CLASP2: variants seen among roughly 807,000 people sequenced by gnomAD.
The protein encoded by CLASP2 is CLIP-associating protein 2.
In CLASP2, 47 loss-of-function variants were observed where a neutral mutation model predicts 194.4. That is an observed-to-expected ratio of 0.24 (90% confidence interval 0.19 to 0.31). The LOEUF (loss-of-function observed/expected upper bound fraction) is 0.31, where lower values mean the gene tolerates loss of function less well. CLASP2 is among the 10% of genes least tolerant of loss of function. CLASP2 has a pLI of 1.00. For synonymous variants in CLASP2, 619 were observed against 633.5 expected (o/e 0.98, Z 0.34); for missense variants, 1,445 against 1,823.6 (o/e 0.79, Z 3.78).
intron 36 of CLASP2, among the ~76,000 whole-genome samples, chr3:33,513,365 C>T (rs1201503497): frequency 1.3e-5 from 2 of 151,962 alleles, no homozygotes; most frequent in African/African-American, 4.8e-5. Flanking sequence ...ACAGCGAAAC[C>T]CCGTTTCCAC....
In CLASP2 at chr3:33,538,927, G is replaced by A; in HGVS notation, c.3420C>T (p.Asp1140=). 6.4e-7 allele frequency: 1 copy of A among 1,572,638 alleles called. No individual in the cohort carries two copies. The highest frequency in any genetic ancestry group is 8.6e-7 in the Non-Finnish European group (1 of 1,163,252). ...TATCTTCAGAGTTCATATTTTCTGT[G>A]TCATAATCAAATGCACTATGAAAAA... ...NTLSPSAFDY[D]TENMNSEDIY... is the part of the protein sequence containing the mutation. The change falls in exon 33 of 39, where the codon GAC becomes GAT. Residue 1140 remains aspartate, a synonymous_variant. Coordinates refer to ENST00000682230, the MANE Select transcript of CLASP2 (RefSeq NM_001365631.1).
chr3:33,689,834 G>A lies in CLASP2; in HGVS notation c.373C>T (p.Pro125Ser). The A allele has an allele frequency of 1.9e-6, 3 of 1,571,864 alleles. No homozygotes were observed. The highest frequency in any genetic ancestry group is 1.7e-6 in the Non-Finnish European group (2 of 1,161,770). The change falls in exon 3 of 39, where the codon CCT becomes TCT. Residue 125 changes from proline (P) to serine (S), a missense_variant. Coordinates refer to ENST00000682230, the MANE Select transcript of CLASP2 (RefSeq NM_001365631.1). Reference sequence around the variant, plus strand: ...ATTTTAAAATGTAGGCTTACCATAGGTGGTGCTACTTGATCCATTAACTTC... The same window carrying A: ...ATTTTAAAATGTAGGCTTACCATAGATGGTGCTACTTGATCCATTAACTTC... ...ILKLMDQVAP[P>S]MYIWEQLASG...
intron 33 of CLASP2, among the ~76,000 whole-genome samples, chr3:33,537,344 C>T (rs1423802180): frequency 1.3e-5 from 2 of 152,126 alleles, no homozygotes; most frequent in Non-Finnish European, 2.9e-5. Context: ...TCTTGCTCTG[C>T]CAGATAGGCA....
At chr3:33,703,664 T>C (rs1489264720) in intron 1 of CLASP2, among the ~76,000 whole-genome samples, 1 of 152,234 alleles carries the variant, frequency 6.6e-6, no homozygotes, top group Non-Finnish European at 1.5e-5. Context: ...GTTTTTGTTT[T>C]TTGCAGAGGC....
chr3:33,523,395 C>T (rs575392585), intron 34 of CLASP2, among the ~76,000 whole-genome samples: 1 of 152,094 alleles, frequency 6.6e-6, no homozygotes, highest in Non-Finnish European at 1.5e-5. Context: ...AAGGCAAAGA[C>T]AGAATCTTGC....
At chr3:33,502,281 A>T (rs1024863104) in intron 37 of CLASP2, 1 of 152,348 alleles carries the variant, frequency 6.6e-6, no homozygotes, top group African/African-American at 2.4e-5. Context: ...TAATAACCTA[A>T]TTTTATTTAA....
intron 38 of CLASP2, among the ~76,000 whole-genome samples, chr3:33,499,996 T>C (rs1304665949): frequency 2.6e-5 from 4 of 152,124 alleles, no homozygotes; most frequent in African/African-American, 7.2e-5. Context: ...AGATCATGAC[T>C]TTATGAAGTT....
intron 34 of CLASP2, among the ~76,000 whole-genome samples, chr3:33,524,542 T>C (rs1376619686): frequency 6.6e-6 from 1 of 151,814 alleles, no homozygotes; most frequent in Non-Finnish European, 1.5e-5. Flanking sequence ...TCCCAGCTAC[T>C]AGGGAGGCTG....
chr3:33,559,924 TA>T (rs1400476893), intron 28 of CLASP2, among the ~76,000 whole-genome samples: 1 of 152,004 alleles, frequency 6.6e-6, no homozygotes, highest in Non-Finnish European at 1.5e-5. Context: ...CTATAGGAAA[TA>T]ATAGTCTATC....
At chr3:33,581,745 C>T in intron 23 of CLASP2, 76 bp downstream of exon 23, 5 of 954,426 alleles carry the variant, frequency 5.2e-6, no homozygotes, top group Non-Finnish European at 3.3e-6. Context: ...AAGCTAAATC[C>T]CAGGTATGCT....
chr3:33,507,310 C>T (rs2335247), intron 37 of CLASP2, among the ~76,000 whole-genome samples: 49,687 of 151,936 alleles, frequency 0.33, 8,749 homozygotes, highest in Admixed American at 0.48. Flanking sequence ...CATTTCTTTA[C>T]TAAAGAAATT....
intron 38 of CLASP2, among the ~76,000 whole-genome samples, chr3:33,500,557 A>AT (rs2046612618): frequency 2.0e-5 from 3 of 151,460 alleles, no homozygotes; most frequent in Admixed American, 6.6e-5. Context: ...TCCATTGTGC[A>AT]TTTTTCTATT....
intron 3 of CLASP2, 135 bp from the exon 4 acceptor site, chr3:33,688,503 C>G (rs940289247): frequency 1.5e-6 from 1 of 680,188 alleles, no homozygotes; most frequent in African/African-American, 1.9e-5. Flanking sequence ...CATTTCTCCA[C>G]TACTTACAAG....
chr3:33,698,784 A>T (rs2154352038), intron 1 of CLASP2, among the ~76,000 whole-genome samples: 1 of 152,338 alleles, frequency 6.6e-6, no homozygotes, highest in Middle Eastern at 3.4e-3. Flanking sequence ...AGTACTATTT[A>T]ACTTGCTCTT....
In CLASP2 at chr3:33,510,595, T is replaced by C; in HGVS notation, c.4280A>G (p.Asn1427Ser). 1 of 1,613,906 alleles carries C rather than the reference T, an allele frequency of 6.2e-7. No individual in the cohort carries two copies. The highest frequency in any genetic ancestry group is 8.5e-7 in the Non-Finnish European group (1 of 1,179,874). The change falls in exon 37 of 39, where the codon AAC (asparagine) becomes AGC (serine). Residue 1427 changes from asparagine (N) to serine (S), a missense_variant. Around this residue, in one of 4 missense-constraint regions of CLASP2, gnomAD observed 732 missense variants for 987.9 expected, o/e 0.74. Coordinates refer to ENST00000682230, the MANE Select transcript of CLASP2 (RefSeq NM_001365631.1). ...TGGCATAATCTCTGGCAAAAGCAGGTTTAGGGTTTCCTTGGACACTCTCTC... is the reference window on the plus strand; with the variant it reads ...TGGCATAATCTCTGGCAAAAGCAGGCTTAGGGTTTCCTTGGACACTCTCTC... Reference protein sequence around the residue: ...VIERVSKETLNLLLPEIMPGL... With the variant: ...VIERVSKETLSLLLPEIMPGL...
At chr3:33,545,063 A>G (rs552930409) in intron 30 of CLASP2, 2 of 359,666 alleles carry the variant, frequency 5.6e-6, no homozygotes, top group Admixed American at 9.0e-5. Flanking sequence ...TGAAAAGCAT[A>G]ACAAATATGA....
At chr3:33,632,185 A>C in intron 9 of CLASP2, 107 bp downstream of exon 9, 1 of 596,562 alleles carries the variant, frequency 1.7e-6, no homozygotes, top group Non-Finnish European at 2.8e-6. Flanking sequence ...TATTTCATTT[A>C]TATAGCTATA....
intron 7 of CLASP2, among the ~76,000 whole-genome samples, chr3:33,651,860 T>C (rs1210279222): frequency 6.6e-6 from 1 of 152,066 alleles, no homozygotes; most frequent in Non-Finnish European, 1.5e-5. Context: ...GGTTTCACCA[T>C]GTTGGCCAGG....
chr3:33,708,478 G>A (rs1487843046), intron 1 of CLASP2, among the ~76,000 whole-genome samples: 8 of 70,244 alleles, frequency 1.1e-4, no homozygotes, highest in Non-Finnish European at 2.9e-5. Flanking sequence ...GTGGGTGTGT[G>A]TGTGTGTGTA....
Sources: allele counts gnomAD v4.1 joint callset (sites outside exome capture counted in the v4.1 genomes callset), GRCh38; gene constraint gnomAD v4.1.1; regional missense constraint gnomAD v4.1.1; transcripts MANE v1.5; gene names NCBI Gene and HGNC (gene_info 2026-07-23, HGNC 2026-07-21).